Variants in KCNMB2 observed in about 807,000 individuals in gnomAD.
The protein encoded by KCNMB2 is potassium calcium-activated channel subfamily M regulatory beta subunit 2, also known as calcium-activated potassium channel subunit beta-2.
A neutral mutation model predicts 24.5 loss-of-function variants in KCNMB2; 9 were observed. That is an observed-to-expected ratio of 0.37 (90% CI 0.22 to 0.64). The LOEUF (loss-of-function observed/expected upper bound fraction) is 0.64, where lower values mean the gene tolerates loss of function less well. Among genes scored for constraint, KCNMB2 ranks in the 30% least tolerant of loss-of-function variants. The pLI is 0.63. For missense variants in KCNMB2, 226 were observed against 284.3 expected (o/e 0.79, Z 1.47); for synonymous variants, 109 against 104.4 (o/e 1.04, Z -0.27).
chr3:178,574,284 ACAGGCAGCAGGCTGTGACTCTT>A (rs1716912017), intron 1 of KCNMB2, among the ~76,000 whole-genome samples: 1 of 152,200 alleles, frequency 6.6e-6, no homozygotes, highest in Non-Finnish European at 1.5e-5. Flanking sequence ...CACTGAACAC[ACAGGCAGCAGGCTGTGACTCTT>A]CACGCTCTGA....
At chr3:178,817,263 A>G (rs1484971931) in intron 2 of KCNMB2, among the ~76,000 whole-genome samples, 1 of 144,858 alleles carries the variant, frequency 6.9e-6, no homozygotes, top group Non-Finnish European at 1.5e-5. Flanking sequence ...CCAAACTCAA[A>G]AACACATTGC....
chr3:178,813,697 C>T (rs1053764113), intron 2 of KCNMB2, among the ~76,000 whole-genome samples: 56 of 152,092 alleles, frequency 3.7e-4, no homozygotes, highest in African/African-American at 1.3e-3. Context: ...GCTGCCTTTT[C>T]CAAACTCAAG....
At chr3:178,556,988 T>G (rs895974766) in intron 1 of KCNMB2, among the ~76,000 whole-genome samples, 4 of 152,106 alleles carry the variant, frequency 2.6e-5, no homozygotes, top group African/African-American at 9.7e-5. Flanking sequence ...GGGAAGGTGT[T>G]TTATTAGGAT....
intron 1 of KCNMB2, among the ~76,000 whole-genome samples, chr3:178,692,726 G>A (rs1243161521): frequency 3.9e-5 from 6 of 151,998 alleles, no homozygotes. Context: ...CAGCTGTTTG[G>A]GCTTTTGTTG....
In KCNMB2 at chr3:178,834,046, G is replaced by A. The variant is rs141894496; in HGVS notation, c.423+5673G>A. ...GTTTAAAACCTCTTTTACTCACCAG[G>A]AATTCCCAAAACATGCCCCTATGAT... On this transcript the variant is annotated intron_variant, in intron 4 of 4. Coordinates refer to ENST00000452583, the MANE Select transcript of KCNMB2 (RefSeq NM_181361.3). Among the ~76,000 whole-genome samples the A allele has an allele frequency of 3.4e-3, 516 of 152,192 alleles. 4 individuals carry two copies. The highest frequency in any genetic ancestry group is 0.012 in the African/African-American group (492 of 41,516).
intron 1 of KCNMB2, among the ~76,000 whole-genome samples, chr3:178,700,967 C>T (rs367588417): frequency 6.6e-5 from 10 of 152,262 alleles, no homozygotes; most frequent in African/African-American, 2.2e-4. Flanking sequence ...TTAATTAGAT[C>T]CCGTTTGTCA....
intron 1 of KCNMB2, among the ~76,000 whole-genome samples, chr3:178,543,397 G>A (rs969653745): frequency 4.6e-5 from 7 of 152,186 alleles, no homozygotes; most frequent in African/African-American, 1.7e-4. Context: ...GTCTGTGGCT[G>A]CGCTGACTGA....
intron 1 of KCNMB2, among the ~76,000 whole-genome samples, chr3:178,661,444 CA>C (rs1720526902): frequency 6.6e-6 from 1 of 151,420 alleles, no homozygotes; most frequent in South Asian, 2.1e-4. Context: ...CTGCAATAAA[CA>C]TTTTTTTTAA....
At chr3:178,584,276 G>T (rs532376004) in intron 1 of KCNMB2, among the ~76,000 whole-genome samples, 6 of 152,358 alleles carry the variant, frequency 3.9e-5, no homozygotes, top group Admixed American at 3.9e-4. Flanking sequence ...ACTGGTCCAA[G>T]GTTGGTGTAT....
At chr3:178,549,667 TAAC>T (rs1227039175) in intron 1 of KCNMB2, among the ~76,000 whole-genome samples, 1 of 152,028 alleles carries the variant, frequency 6.6e-6, no homozygotes, top group Non-Finnish European at 1.5e-5. Flanking sequence ...ACAGCAGTTT[TAAC>T]AATAAGCTAA....
At chr3:178,829,606 C>G (rs1404773340) in intron 4 of KCNMB2, among the ~76,000 whole-genome samples, 1 of 152,210 alleles carries the variant, frequency 6.6e-6, no homozygotes, top group Non-Finnish European at 1.5e-5. Flanking sequence ...TCACAAAGTG[C>G]TTGTCTTTCA....
chr3:178,613,338 C>T (rs149839669), intron 1 of KCNMB2, among the ~76,000 whole-genome samples: 88 of 152,256 alleles, frequency 5.8e-4, no homozygotes, highest in Middle Eastern at 3.4e-3. Flanking sequence ...CAGAGGTTGC[C>T]GTGAGCCAAG....
intron 1 of KCNMB2, among the ~76,000 whole-genome samples, chr3:178,704,322 T>G (rs1313574855): frequency 1.3e-5 from 2 of 152,096 alleles, no homozygotes; most frequent in Non-Finnish European, 2.9e-5. Context: ...TGTAAAATAT[T>G]CTGGGTATCA....
At chr3:178,821,946 CCT>C (rs1008411239) in intron 2 of KCNMB2, among the ~76,000 whole-genome samples, 8 of 152,266 alleles carry the variant, frequency 5.3e-5, no homozygotes, top group Admixed American at 3.3e-4. Flanking sequence ...TCCCCCCATT[CCT>C]CTCTCTGATT....
chr3:178,740,123 T>C (rs1056518234), intron 1 of KCNMB2, among the ~76,000 whole-genome samples: 2 of 152,160 alleles, frequency 1.3e-5, no homozygotes, highest in African/African-American at 2.4e-5. Flanking sequence ...TAAACATTTT[T>C]TTCTTTTTTT....
At chr3:178,563,535 A>T (rs1335849569) in intron 1 of KCNMB2, among the ~76,000 whole-genome samples, 1 of 152,220 alleles carries the variant, frequency 6.6e-6, no homozygotes, top group East Asian at 1.9e-4. Context: ...TGCAACAGAT[A>T]CTTGAAGTCA....
chr3:178,723,220 TATAAA>T (rs1347673565), intron 1 of KCNMB2, among the ~76,000 whole-genome samples: 2 of 152,222 alleles, frequency 1.3e-5, no homozygotes, highest in African/African-American at 2.4e-5. Flanking sequence ...TGCCTTTCCG[TATAAA>T]ATATAGAATC....
intron 1 of KCNMB2, among the ~76,000 whole-genome samples, chr3:178,736,175 T>A (rs1282299870): frequency 6.6e-6 from 1 of 152,214 alleles, no homozygotes; most frequent in African/African-American, 2.4e-5. Flanking sequence ...CATGTTTACT[T>A]GAAACTAGTA....
At chr3:178,545,439 A>C (rs1329281851) in intron 1 of KCNMB2, among the ~76,000 whole-genome samples, 1 of 152,208 alleles carries the variant, frequency 6.6e-6, no homozygotes, top group East Asian at 1.9e-4. Flanking sequence ...ACTCATCCAC[A>C]AAGGTAAAAT....
Sources: gnomAD v4.1 joint callset for allele counts (sites outside exome capture counted in the v4.1 genomes callset) on GRCh38, gnomAD v4.1.1 for gene constraint, MANE v1.5 for transcripts, NCBI Gene and HGNC (gene_info 2026-07-23, HGNC 2026-07-21) for gene names.